Variants in RIMS2 observed in about 807,000 individuals in gnomAD.
RIMS2 encodes the protein regulating synaptic membrane exocytosis 2, also known as regulating synaptic membrane exocytosis protein 2.
RIMS2 carries 59 observed loss-of-function variants against 174.4 expected under a neutral mutation model. The ratio of observed to expected loss-of-function variants is 0.34; its 90% CI spans 0.27 to 0.42. RIMS2 has a LOEUF of 0.42. Among genes scored for constraint, RIMS2 ranks in the 10% least tolerant of loss-of-function variants. RIMS2 has a pLI of 1.00. For synonymous variants in RIMS2, 606 were observed against 572.5 expected (o/e 1.06, Z -0.84); for missense variants, 1,620 against 1,666.3 (o/e 0.97, Z 0.48).
intron 3 of RIMS2, among the ~76,000 whole-genome samples, chr8:103,778,057 T>G (rs2154431618): frequency 6.6e-6 from 1 of 152,210 alleles, no homozygotes; most frequent in African/African-American, 2.4e-5. Context: ...TTAAAAAGTT[T>G]GTTACTTTTC....
intron 1 of RIMS2, among the ~76,000 whole-genome samples, chr8:103,647,873 C>A (rs2096371649): frequency 7.0e-6 from 1 of 143,100 alleles, no homozygotes; most frequent in Admixed American, 6.9e-5. Flanking sequence ...AAACCAGCTG[C>A]TGGGTTCATT....
chr8:103,833,219 C>T (rs926739768), intron 3 of RIMS2, among the ~76,000 whole-genome samples: 2 of 152,022 alleles, frequency 1.3e-5, no homozygotes, highest in African/African-American at 2.4e-5. Flanking sequence ...GTAAATGGTT[C>T]GTGATGACAA....
At chr8:103,941,448 C>G (rs1255938172) in intron 13 of RIMS2, among the ~76,000 whole-genome samples, 1 of 151,996 alleles carries the variant, frequency 6.6e-6, no homozygotes, top group Non-Finnish European at 1.5e-5. Flanking sequence ...GATTGCACCC[C>G]TGCACTCCAG....
chr8:103,578,549 AAAC>A (rs1399220702), intron 1 of RIMS2, among the ~76,000 whole-genome samples: 21 of 151,808 alleles, frequency 1.4e-4, no homozygotes, highest in African/African-American at 2.4e-5. Flanking sequence ...ACAAAAAACA[AAAC>A]AAAACAACAA....
chr8:103,521,843 T>TA lies in RIMS2; in HGVS notation c.176+20793dup, dbSNP rs905566070. 7.1e-3 allele frequency among the ~76,000 whole-genome samples: 1,009 copies of TA among 142,628 alleles called. 5 individuals are homozygous for TA. Among genetic ancestry groups the TA allele is most frequent in the African/African-American group, 0.014 (536 of 39,102 alleles). The allele number at this position is 142,628 out of a possible 152,430, so 93.6% of individuals were successfully genotyped here. ...AAATTGAAGTAGACTTTCTCATTCT[T>TA]AAAAAAAAAAAACAAAAAACACTTT... is the stretch of plus-strand genomic sequence containing the variant. On this transcript the variant is annotated intron_variant, in intron 1 of 23. Coordinates refer to ENST00000504942, the Ensembl canonical transcript of RIMS2.
In RIMS2 at chr8:104,014,628, T is replaced by C. The variant is rs769173514; in HGVS notation, c.3334+13T>C. On this transcript the variant is annotated intron_variant, in intron 19 of 23. Transcript: ENST00000504942. Reference sequence around the variant, plus strand: ...ACGTTGGATAGAAGTAAGTTTTATTTCTAATTGTCTCGTTTAGGAAATACA... The same window carrying C: ...ACGTTGGATAGAAGTAAGTTTTATTCCTAATTGTCTCGTTTAGGAAATACA... 1 of 1,503,740 alleles carries C rather than the reference T, an allele frequency of 6.7e-7. No individual in the cohort carries two copies. Among genetic ancestry groups the C allele is most frequent in the Non-Finnish European group, 9.3e-7 (1 of 1,080,274 alleles). 93.1% of individuals were successfully genotyped at this position (1,503,740 alleles called of 1,614,324 possible). A position where few individuals can be genotyped will look rare whatever the true frequency, so the allele number is the denominator to read the frequency against.
intron 3 of RIMS2, among the ~76,000 whole-genome samples, chr8:103,841,516 A>T (rs1160901750): frequency 6.6e-6 from 1 of 152,156 alleles, no homozygotes; most frequent in African/African-American, 2.4e-5. Flanking sequence ...TCACAGCCTG[A>T]TAGTACTGTC....
At chr8:103,792,335 G>A (rs1372041336) in intron 3 of RIMS2, among the ~76,000 whole-genome samples, 2 of 152,250 alleles carry the variant, frequency 1.3e-5, no homozygotes, top group South Asian at 2.1e-4. Flanking sequence ...GATGCATAAC[G>A]AAATGAAGGC....
chr8:103,936,464 TG>T, intron 12 of RIMS2, 86 bp from the exon 15 acceptor site: 1 of 753,530 alleles, frequency 1.3e-6, no homozygotes, highest in Non-Finnish European at 2.0e-6. Context: ...TCACCTGACT[TG>T]TCTCCTGAGA....
chr8:104,154,561 G>GA (rs2098709969), intron 19 of RIMS2, among the ~76,000 whole-genome samples: 1 of 152,098 alleles, frequency 6.6e-6, no homozygotes, highest in Admixed American at 6.5e-5. Flanking sequence ...ATAAGAAATA[G>GA]AAATTTTAAA....
At chr8:103,788,976 C>T (rs530625583) in intron 3 of RIMS2, among the ~76,000 whole-genome samples, 20 of 152,338 alleles carry the variant, frequency 1.3e-4, no homozygotes, top group Admixed American at 2.0e-4. Flanking sequence ...TCTCGTGGTG[C>T]GCCGTTTTTT....
At chr8:103,522,384 A>G (rs2130520441) in intron 1 of RIMS2, among the ~76,000 whole-genome samples, 1 of 152,234 alleles carries the variant, frequency 6.6e-6, no homozygotes, top group African/African-American at 2.4e-5. Flanking sequence ...TAGCTCCTTT[A>G]AAATAGCCTC....
chr8:104,024,588 T>A (rs762839793), intron 19 of RIMS2, among the ~76,000 whole-genome samples: 2 of 152,192 alleles, frequency 1.3e-5, no homozygotes, highest in African/African-American at 4.8e-5. Context: ...TAGCTAAAGA[T>A]GTAGTTCAAC....
At chr8:104,118,373 T>TTTTTGTG (rs1566516976) in intron 19 of RIMS2, among the ~76,000 whole-genome samples, 2 of 149,684 alleles carry the variant, frequency 1.3e-5, no homozygotes, top group South Asian at 4.2e-4. Context: ...TTTTTTTGTT[T>TTTTTGTG]TTTTTTTTTT....
chr8:104,211,937 C>T (rs1228320552), intron 19 of RIMS2, among the ~76,000 whole-genome samples: 3 of 151,966 alleles, frequency 2.0e-5, no homozygotes, highest in Admixed American at 6.6e-5. Context: ...GAAGTAGGAT[C>T]GACAGAATTT....
At chr8:104,117,860 G>A (rs1369521957) in intron 19 of RIMS2, among the ~76,000 whole-genome samples, 1 of 152,078 alleles carries the variant, frequency 6.6e-6, no homozygotes, top group African/African-American at 2.4e-5. Context: ...TTGTCCTTGG[G>A]CTGCCTAATA....
At chr8:103,518,870 C>T (rs1830272255) in intron 1 of RIMS2, among the ~76,000 whole-genome samples, 1 of 151,996 alleles carries the variant, frequency 6.6e-6, no homozygotes, top group African/African-American at 2.4e-5. Flanking sequence ...GATCTTGTGT[C>T]TCTATTCTGG....
At chr8:103,738,972 G>A (rs1319834977) in intron 2 of RIMS2, among the ~76,000 whole-genome samples, 5 of 152,150 alleles carry the variant, frequency 3.3e-5, no homozygotes, top group South Asian at 2.1e-4. Context: ...ACAGTGTGGC[G>A]ATTCCTCAAG....
At chr8:103,501,229 T>C (rs1027279540) in intron 1 of RIMS2, among the ~76,000 whole-genome samples, 167 bp downstream of exon 1, 58 of 151,982 alleles carry the variant, frequency 3.8e-4, no homozygotes, top group African/African-American at 1.4e-3. Context: ...TTTAGGGGTG[T>C]CTGAGAGCAG....
Sources: gnomAD v4.1 joint callset for allele counts (sites outside exome capture counted in the v4.1 genomes callset) on GRCh38, gnomAD v4.1.1 for gene constraint, MANE v1.5 for transcripts, NCBI Gene and HGNC (gene_info 2026-07-23, HGNC 2026-07-21) for gene names.